Variants in TAOK1 observed in about 807,000 individuals in gnomAD.
The protein encoded by TAOK1 is TAO kinase 1, also known as serine/threonine-protein kinase TAO1.
TAOK1 carries 21 observed loss-of-function variants against 138.3 expected under a neutral mutation model. The ratio of observed to expected loss-of-function variants is 0.15; its 90% CI spans 0.11 to 0.22. The LOEUF (loss-of-function observed/expected upper bound fraction) is 0.22. Among genes scored for constraint, TAOK1 ranks in the 10% least tolerant of loss-of-function variants. The probability of loss-of-function intolerance (pLI) is 1.00; values close to 1 mark genes in which losing one functional copy is unlikely to be tolerated. For missense variants in TAOK1, 651 were observed against 1,227.7 expected (o/e 0.53, Z 7.02); for synonymous variants, 361 against 398.4 (o/e 0.91, Z 1.12).
intron 13 of TAOK1, among the ~76,000 whole-genome samples, chr17:29,504,396 G>C (rs1315290774): frequency 2.0e-5 from 3 of 151,832 alleles, no homozygotes; most frequent in Admixed American, 6.6e-5. Flanking sequence ...GAGGCCAGGC[G>C]TGGTGGCTCA....
chr17:29,522,151 T>C (rs1400141509), intron 16 of TAOK1, 129 bp from the exon 17 acceptor site: 2 of 1,231,050 alleles, frequency 1.6e-6, no homozygotes, highest in South Asian at 3.2e-5. Flanking sequence ...AACCCTCTTA[T>C]TTACTATGCA....
intron 1 of TAOK1, among the ~76,000 whole-genome samples, chr17:29,402,452 G>A (rs1175087731): frequency 6.6e-6 from 1 of 151,916 alleles, no homozygotes; most frequent in Non-Finnish European, 1.5e-5. Flanking sequence ...ACAGTCATGC[G>A]CCACCATACC....
intron 19 of TAOK1, among the ~76,000 whole-genome samples, chr17:29,540,237 A>AT (rs1567749940): frequency 1.3e-5 from 2 of 152,240 alleles, no homozygotes; most frequent in African/African-American, 2.4e-5. Context: ...AACATGGAAT[A>AT]TTCTTCTCAG....
chr17:29,424,423 C>A (rs1006683333), intron 1 of TAOK1, among the ~76,000 whole-genome samples: 1 of 120,468 alleles, frequency 8.3e-6, no homozygotes, highest in Non-Finnish European at 1.6e-5. Flanking sequence ...GGCAACAGAG[C>A]GAGACTCCCT....
At chr17:29,427,565 C>A (rs538044192) in intron 1 of TAOK1, among the ~76,000 whole-genome samples, 9 of 149,746 alleles carry the variant, frequency 6.0e-5, no homozygotes, top group African/African-American at 2.2e-4. Context: ...CTTTAGAGAT[C>A]TTATTTGAGT....
chr17:29,499,560 C>G (rs1474881213), intron 12 of TAOK1, among the ~76,000 whole-genome samples: 1 of 109,156 alleles, frequency 9.2e-6, no homozygotes, highest in African/African-American at 3.2e-5. Context: ...TTCTTTCTTT[C>G]TTTCTTTTTT....
intron 1 of TAOK1, among the ~76,000 whole-genome samples, chr17:29,449,597 T>C (rs1226187714): frequency 6.6e-6 from 1 of 152,132 alleles, no homozygotes; most frequent in African/African-American, 2.4e-5. Flanking sequence ...TCCCAGCACT[T>C]TGGGAGGCTG....
chr17:29,537,592 A>G (rs566929419), intron 19 of TAOK1, among the ~76,000 whole-genome samples: 1 of 151,284 alleles, frequency 6.6e-6, no homozygotes, highest in Non-Finnish European at 1.5e-5. Context: ...CCTAGGCTCA[A>G]GCAATCTGTC....
In TAOK1 at chr17:29,510,941, T is replaced by C; in HGVS notation, c.1653T>C (p.Phe551=). ...QAQQKKELNS[F]LESQKREYKL... ...AACAGAAGAAAGAACTGAATAGTTT[T>C]CTCGAGTCCCAGAAAAGAGAGTATA... The change falls in exon 15 of 20, where the codon TTT becomes TTC. Residue 551 remains phenylalanine, a synonymous_variant. Coordinates refer to ENST00000261716, the MANE Select transcript of TAOK1 (RefSeq NM_020791.4). The C allele has an allele frequency of 1.2e-6, 2 of 1,611,242 alleles. No individual in the cohort carries two copies. The highest frequency in any genetic ancestry group is 1.7e-6 in the Non-Finnish European group (2 of 1,178,828).
intron 17 of TAOK1, among the ~76,000 whole-genome samples, chr17:29,527,953 T>A (rs1355776599): frequency 6.6e-6 from 1 of 152,238 alleles, no homozygotes; most frequent in Non-Finnish European, 1.5e-5. Context: ...GTAGTTCATG[T>A]CTGTTACCCC....
intron 1 of TAOK1, among the ~76,000 whole-genome samples, chr17:29,431,492 A>G (rs559209147): frequency 1.2e-4 from 18 of 149,582 alleles, no homozygotes; most frequent in Non-Finnish European, 2.2e-4. Flanking sequence ...ACTAAATTGG[A>G]TACATTAGTG....
chr17:29,507,789 G>T (rs1417440862), intron 13 of TAOK1, 107 bp from the exon 14 acceptor site: 8 of 986,766 alleles, frequency 8.1e-6, no homozygotes, highest in Non-Finnish European at 1.2e-5. Flanking sequence ...CTAACATTGG[G>T]ATATTTTACA....
chr17:29,530,656 GC>G, intron 18 of TAOK1, 37 bp downstream of exon 18: 1 of 1,546,270 alleles, frequency 6.5e-7, no homozygotes, highest in Non-Finnish European at 8.9e-7. Context: ...CAAATTTAGT[GC>G]CCCTTTTCTT....
At chr17:29,456,470 G>T (rs2030379729) in intron 2 of TAOK1, among the ~76,000 whole-genome samples, 1 of 150,356 alleles carries the variant, frequency 6.7e-6, no homozygotes, top group South Asian at 2.1e-4. Context: ...GGTCTGTTGA[G>T]ATTTTCGATT....
In TAOK1 at chr17:29,546,372, A is replaced by T. The variant is rs1052417966; in HGVS notation, c.*3350A>T. 5.9e-5 allele frequency: 9 copies of T among 151,874 alleles called. No individual in the cohort carries two copies. Among genetic ancestry groups the T allele is most frequent in the African/African-American group, 2.2e-4 (9 of 41,366 alleles). 9.4% of individuals were successfully genotyped at this position (151,874 alleles called of 1,614,324 possible). A position where few individuals can be genotyped will look rare whatever the true frequency, so the allele number is the denominator to read the frequency against. ...TGGACACTCCCTCCTGCTTCCACCA[A>T]TTTTTTTCTCACCCCCTTTTCAAAA... is the stretch of plus-strand genomic sequence containing the variant. On this transcript the variant is annotated 3_prime_UTR_variant, in exon 20 of 20. Coordinates refer to ENST00000261716, the MANE Select transcript of TAOK1 (RefSeq NM_020791.4).
intron 1 of TAOK1, among the ~76,000 whole-genome samples, chr17:29,393,714 A>G (rs766822716): frequency 1.2e-4 from 18 of 152,164 alleles, no homozygotes; most frequent in Non-Finnish European, 2.1e-4. Flanking sequence ...TAATTTGGTT[A>G]TAATTCTCAT....
intron 16 of TAOK1, among the ~76,000 whole-genome samples, chr17:29,520,183 G>GAAA (rs535870675): frequency 2.8e-5 from 2 of 70,182 alleles, no homozygotes; most frequent in Admixed American, 1.6e-4. Flanking sequence ...TCTGTCTGAA[G>GAAA]AAAAAAAAAA....
At chr17:29,410,372 TC>T (rs1413540926) in intron 1 of TAOK1, among the ~76,000 whole-genome samples, 1 of 152,028 alleles carries the variant, frequency 6.6e-6, no homozygotes, top group Non-Finnish European at 1.5e-5. Flanking sequence ...TTCCTCACAC[TC>T]CCGAGTAGCT....
chr17:29,435,528 G>C (rs1438497641), intron 1 of TAOK1, among the ~76,000 whole-genome samples: 1 of 152,072 alleles, frequency 6.6e-6, no homozygotes, highest in Non-Finnish European at 1.5e-5. Flanking sequence ...CTATGAGTTG[G>C]GTGATCCTCT....
Sources: gnomAD v4.1 joint callset for allele counts (sites outside exome capture counted in the v4.1 genomes callset) on GRCh38, gnomAD v4.1.1 for gene constraint, MANE v1.5 for transcripts, NCBI Gene and HGNC (gene_info 2026-07-23, HGNC 2026-07-21) for gene names.